CALN1: variants seen among roughly 807,000 people sequenced by gnomAD.
The protein encoded by CALN1 is calneuron 1.
In CALN1, 17 loss-of-function variants were observed where a neutral mutation model predicts 30.6. The ratio of observed to expected loss-of-function variants is 0.56; its 90% confidence interval spans 0.38 to 0.83. CALN1 has a LOEUF of 0.83. Ranked by LOEUF, CALN1 falls within the 40% of genes least tolerant of loss-of-function variation. CALN1 has a pLI of 0.00. For synonymous variants in CALN1, 156 were observed against 131.4 expected, an observed-to-expected ratio of 1.19 and a Z score of -1.28; for missense variants, 291 against 354.9, an observed-to-expected ratio of 0.82 and a Z score of 1.45.
At chr7:71,905,541 A>C (rs1410038165) in intron 5 of CALN1, among the ~76,000 whole-genome samples, 1 of 152,090 alleles carries the variant, frequency 6.6e-6, no homozygotes, top group Non-Finnish European at 1.5e-5. Context: ...CATCTCATTG[A>C]TCCTCTACAT....
At chr7:72,379,357 C>A (rs926268055) in intron 2 of CALN1, among the ~76,000 whole-genome samples, 3 of 152,002 alleles carry the variant, frequency 2.0e-5, no homozygotes, top group Non-Finnish European at 4.4e-5. Context: ...AGGGTTAAAC[C>A]CTAAATAAAG....
intron 5 of CALN1, among the ~76,000 whole-genome samples, chr7:71,966,178 C>G (rs1033407662): frequency 6.6e-6 from 1 of 152,182 alleles, no homozygotes; most frequent in African/African-American, 2.4e-5. Context: ...ACTCTACAGT[C>G]AACTCTGTCA....
chr7:72,406,956 C>T (rs1196558026), intron 1 of CALN1, among the ~76,000 whole-genome samples: 1 of 152,108 alleles, frequency 6.6e-6, no homozygotes, highest in African/African-American at 2.4e-5. Context: ...TACCCACTTC[C>T]TTTAGCACTG....
chr7:72,134,933 A>G (rs941473473), intron 3 of CALN1, among the ~76,000 whole-genome samples: 1 of 152,222 alleles, frequency 6.6e-6, no homozygotes, highest in Non-Finnish European at 1.5e-5. Flanking sequence ...ATATTCTACA[A>G]CGTTCACAAT....
chr7:72,174,932 T>G (rs997334037), intron 3 of CALN1, among the ~76,000 whole-genome samples: 2 of 151,550 alleles, frequency 1.3e-5, no homozygotes, highest in African/African-American at 4.9e-5. Context: ...ATCAATTTTT[T>G]TTTTTTTTGA....
chr7:72,207,300 C>A (rs921224538), intron 3 of CALN1, among the ~76,000 whole-genome samples: 5 of 152,086 alleles, frequency 3.3e-5, no homozygotes, highest in Non-Finnish European at 7.4e-5. Context: ...AGTGCTCTGC[C>A]CCTGGATCTT....
chr7:72,410,380 G>A (rs1193989988), intron 1 of CALN1, among the ~76,000 whole-genome samples: 3 of 152,182 alleles, frequency 2.0e-5, no homozygotes, highest in South Asian at 2.1e-4. Context: ...GCCAATCTAG[G>A]ACGTAGAAAA....
chr7:72,437,112 G>A (rs1018411236), intron 1 of CALN1, among the ~76,000 whole-genome samples: 5 of 152,056 alleles, frequency 3.3e-5, no homozygotes, highest in African/African-American at 1.2e-4. Flanking sequence ...TTTGGTGCTT[G>A]CTGAAATTTT....
intron 5 of CALN1, among the ~76,000 whole-genome samples, chr7:71,835,435 C>T (rs750235637): frequency 5.9e-5 from 9 of 152,164 alleles, no homozygotes; most frequent in Non-Finnish European, 1.0e-4. Flanking sequence ...ACGAACTTAG[C>T]CTGTGTTTAA....
intron 5 of CALN1, among the ~76,000 whole-genome samples, chr7:71,930,561 C>CT (rs1795499842): frequency 6.6e-6 from 1 of 152,172 alleles, no homozygotes; most frequent in Non-Finnish European, 1.5e-5. Context: ...TTTTAATACA[C>CT]TTTTTAATTT....
intron 2 of CALN1, among the ~76,000 whole-genome samples, chr7:72,367,121 G>A (rs945344524): frequency 6.6e-6 from 1 of 151,998 alleles, no homozygotes; most frequent in African/African-American, 2.4e-5. Flanking sequence ...AAAAAAAACA[G>A]GCAAAAGAAA....
the CALN1 span, among the ~76,000 whole-genome samples, chr7:72,465,261 C>A: frequency 6.6e-6 from 1 of 152,156 alleles, no homozygotes; most frequent in South Asian, 2.1e-4. Flanking sequence ...AAGGTTAGCT[C>A]CCTGTGATCT....
At chr7:72,093,633 A>G (rs749096571) in intron 4 of CALN1, among the ~76,000 whole-genome samples, 4 of 152,196 alleles carry the variant, frequency 2.6e-5, no homozygotes, top group Non-Finnish European at 5.9e-5. Flanking sequence ...GATGATGACT[A>G]CCAGGACTGC....
rs559068651 is a variant in CALN1, at chr7:72,163,952, G to A, written c.245-57658C>T. On this transcript the variant is annotated intron_variant, in intron 3 of 6. Transcript: ENST00000395275. Reference sequence around the variant, plus strand: ...GATAAAGGCAAAAAGAAAGAAGAAAGAAAGAAAAAATGTAAAGAAAGGAGA... The same window carrying A: ...GATAAAGGCAAAAAGAAAGAAGAAAAAAAGAAAAAATGTAAAGAAAGGAGA... Among the ~76,000 whole-genome samples the A allele has an allele frequency of 4.6e-5, 7 of 151,928 alleles. No homozygotes were observed. The East Asian group carries it at 1.4e-3, about 29-fold the overall frequency.
intron 5 of CALN1, among the ~76,000 whole-genome samples, chr7:72,019,139 C>T (rs1215040831): frequency 1.3e-5 from 2 of 152,014 alleles, no homozygotes; most frequent in African/African-American, 4.8e-5. Flanking sequence ...GCATAAGCCA[C>T]CCTGTCTGGC....
chr7:72,282,644 T>C (rs563975778), intron 2 of CALN1, among the ~76,000 whole-genome samples: 1 of 152,222 alleles, frequency 6.6e-6, no homozygotes, highest in Non-Finnish European at 1.5e-5. Flanking sequence ...TCTATAGGTG[T>C]CTCGATCTTG....
At chr7:71,902,705 T>C (rs564799094) in intron 5 of CALN1, among the ~76,000 whole-genome samples, 4 of 152,320 alleles carry the variant, frequency 2.6e-5, no homozygotes, top group African/African-American at 7.2e-5. Flanking sequence ...TGTATGTTTA[T>C]TGCAGCACTA....
chr7:71,933,494 G>A (rs1285666077), intron 5 of CALN1, among the ~76,000 whole-genome samples: 1 of 152,042 alleles, frequency 6.6e-6, no homozygotes, highest in East Asian at 1.9e-4. Context: ...GTGTGTCCAT[G>A]TCCTAAATTT....
rs1406358696 is a variant in CALN1 at position 72,320,831 on chromosome 7, T to A, written c.120-42021A>T. Among the ~76,000 whole-genome samples, 9 of 62,228 alleles carry A rather than the reference T, an allele frequency of 1.4e-4. 1 individual carries two copies. The South Asian group carries it at 2.4e-3, about 16-fold the overall frequency. 40.8% of individuals were successfully genotyped at this position (62,228 alleles called of 152,430 possible). ...GCCTGGGCGACAGAGCGAGACTCCA[T>A]CTCAAAAAAAAAAAAAAAAAAAAAA... On this transcript the variant is annotated intron_variant, in intron 2 of 6. Transcript: ENST00000395275.
Sources: allele counts gnomAD v4.1 joint callset (sites outside exome capture counted in the v4.1 genomes callset), GRCh38; gene constraint gnomAD v4.1.1; transcripts MANE v1.5; gene names NCBI Gene and HGNC (gene_info 2026-07-23, HGNC 2026-07-21).